TBX4: variants seen among roughly 807,000 people sequenced by gnomAD.
The protein encoded by TBX4 is T-box transcription factor 4, also known as T-box transcription factor TBX4.
A neutral mutation model predicts 54.6 loss-of-function variants in TBX4; 13 were observed. The ratio of observed to expected loss-of-function variants is 0.24; its 90% CI spans 0.15 to 0.38. TBX4 has a LOEUF of 0.38. TBX4 is among the 10% of genes least tolerant of loss of function. The pLI, the probability that TBX4 is intolerant of heterozygous loss-of-function variation, is 1.00. For missense variants in TBX4, 631 were observed against 728.5 expected, an observed-to-expected ratio of 0.87 and a Z score of 1.54; for synonymous variants, 314 against 306.7, an observed-to-expected ratio of 1.02 and a Z score of -0.25.
chr17:61,479,656 C>A lies in TBX4; in HGVS notation c.703-225C>A, dbSNP rs1016648004. On this transcript the variant is annotated intron_variant, in intron 6 of 8. Transcript: ENST00000644296. The surrounding 1 kb of genome is among the most constrained non-coding windows in gnomAD (Gnocchi z 6.1). ...GGTGTGAATGGCAAGGCCCACTTCC[C>A]CAGACCTGCCCCAGTTCTGCCTGTG... 7.2e-5 allele frequency among the ~76,000 whole-genome samples: 11 copies of A among 152,136 alleles called. No homozygotes were observed. Among genetic ancestry groups the A allele is most frequent in the African/African-American group, 2.7e-4 (11 of 41,416 alleles).
intron 1 of TBX4, among the ~76,000 whole-genome samples, chr17:61,454,093 T>A (rs2060430917): frequency 6.6e-6 from 1 of 152,214 alleles, no homozygotes; most frequent in Non-Finnish European, 1.5e-5. Flanking sequence ...ACAACAAATT[T>A]AGTAACAGTA....
chr17:61,482,883 A>T lies in TBX4; in HGVS notation c.1022-14A>T, dbSNP rs538426617. 2.6e-5 allele frequency: 42 copies of T among 1,612,708 alleles called. No individual in the cohort carries two copies. The East Asian group carries it at 3.8e-4, about 15-fold the overall frequency. On this transcript the variant is annotated splice_polypyrimidine_tract_variant and intron_variant, in intron 8 of 8. Coordinates refer to ENST00000644296, the MANE Select transcript of TBX4 (RefSeq NM_001321120.2). ...GTGGAAATGGTTCTTCCTGAATGTT[A>T]CTTTGTCTTTCAGCAGACGGTACCC...
chr17:61,454,931 AT>A (rs1418105003), intron 1 of TBX4, among the ~76,000 whole-genome samples: 1 of 152,088 alleles, frequency 6.6e-6, no homozygotes, highest in Non-Finnish European at 1.5e-5. Flanking sequence ...GGCCCTAGAT[AT>A]AGTTGGACCC....
chr17:61,471,424 C>A (rs536301247), intron 5 of TBX4, among the ~76,000 whole-genome samples: 1 of 152,312 alleles, frequency 6.6e-6, no homozygotes, highest in African/African-American at 2.4e-5. Flanking sequence ...AAGCTTTAAA[C>A]ATAAATCATT....
At chr17:61,473,169 A>T (rs1177129531) in intron 5 of TBX4, among the ~76,000 whole-genome samples, 1 of 152,216 alleles carries the variant, frequency 6.6e-6, no homozygotes, top group East Asian at 1.9e-4. Flanking sequence ...GGTTCTTCAA[A>T]ACGTATTCAG....
At chr17:61,453,620 A>G (rs1477572813) in intron 1 of TBX4, among the ~76,000 whole-genome samples, 1 of 152,210 alleles carries the variant, frequency 6.6e-6, no homozygotes, top group Non-Finnish European at 1.5e-5. Flanking sequence ...AAATAATCAG[A>G]GTATTAAGAG....
chr17:61,469,891 T>C (rs886192552), intron 5 of TBX4, among the ~76,000 whole-genome samples: 3 of 152,076 alleles, frequency 2.0e-5, no homozygotes, highest in African/African-American at 7.2e-5. Flanking sequence ...AAAAGCCACG[T>C]TGTATTGGGA....
chr17:61,468,207 G>A (rs751993118), intron 5 of TBX4, among the ~76,000 whole-genome samples: 9 of 152,232 alleles, frequency 5.9e-5, no homozygotes, highest in Non-Finnish European at 1.3e-4. Flanking sequence ...TGGCTCACAT[G>A]TTAGCTCCTG....
rs535261059 is a variant in TBX4, at chr17:61,479,998, G to A, written c.791+29G>A. On this transcript the variant is annotated intron_variant, in intron 7 of 8. Transcript: ENST00000644296. The surrounding 1 kb of genome is among the most constrained non-coding windows in gnomAD (Gnocchi z 6.1). Reference sequence around the variant, plus strand: ...GGGCTGCGTAGCCTGGGGGTGGGGCGGGCAGATGGGATTCAGGCACGTGGC... The same window carrying A: ...GGGCTGCGTAGCCTGGGGGTGGGGCAGGCAGATGGGATTCAGGCACGTGGC... 3.9e-5 allele frequency: 63 copies of A among 1,613,454 alleles called. No homozygotes were observed. The highest frequency in any genetic ancestry group is 3.2e-4 in the South Asian group (29 of 91,050).
rs1396174500 is a variant in TBX4 at position 61,465,127 on chromosome 17, C to T, written c.282-692C>T. Among the ~76,000 whole-genome samples, 1 of 152,110 alleles carries T rather than the reference C, an allele frequency of 6.6e-6. No individual in the cohort carries two copies. Among genetic ancestry groups the T allele is most frequent in the Non-Finnish European group, 1.5e-5 (1 of 68,022 alleles). ...TGGCAGGTGGTTTCAGAATCCATGCCCTCTCTTATCCATGAGGCTCCTGGA... is the reference window on the plus strand; with the variant it reads ...TGGCAGGTGGTTTCAGAATCCATGCTCTCTCTTATCCATGAGGCTCCTGGA... On this transcript the variant is annotated intron_variant, in intron 3 of 8. Coordinates refer to ENST00000644296, the MANE Select transcript of TBX4 (RefSeq NM_001321120.2). This position sits in a 1 kb window ranked among gnomAD's most constrained non-coding sequence, Gnocchi z 4.9.
In TBX4 at chr17:61,478,858, T is replaced by A. The variant is rs1220264102; in HGVS notation, c.702+79T>A. Reference sequence around the variant, plus strand: ...TCTTCCACCAGGCAGAGAGGCAGAGTGTGAAGCCAGAGTCCCAGCAGGGCT... The same window carrying A: ...TCTTCCACCAGGCAGAGAGGCAGAGAGTGAAGCCAGAGTCCCAGCAGGGCT... On this transcript the variant is annotated intron_variant, in intron 6 of 8. Coordinates refer to ENST00000644296, the MANE Select transcript of TBX4 (RefSeq NM_001321120.2). The surrounding 1 kb of genome is among the most constrained non-coding windows in gnomAD (Gnocchi z 7.4). The A allele has an allele frequency of 6.2e-7, 1 of 1,609,642 alleles. No individual in the cohort carries two copies.
chr17:61,467,750 G>C, intron 5 of TBX4, 93 bp downstream of exon 5: 1 of 1,519,436 alleles, frequency 6.6e-7, no homozygotes, highest in South Asian at 1.2e-5. Flanking sequence ...AATCCACTCC[G>C]GGATCCAGCT....
intron 5 of TBX4, among the ~76,000 whole-genome samples, chr17:61,477,674 C>T (rs1288817940): frequency 6.6e-6 from 1 of 152,224 alleles, no homozygotes; most frequent in East Asian, 1.9e-4. Context: ...GGTGCGGAGG[C>T]TCACGCCTGT....
At chr17:61,473,789 G>T (rs972709450) in intron 5 of TBX4, among the ~76,000 whole-genome samples, 1 of 152,236 alleles carries the variant, frequency 6.6e-6, no homozygotes, top group African/African-American at 2.4e-5. Flanking sequence ...ATACTGTAAA[G>T]ATTAATTTTA....
At chr17:61,454,673 C>T (rs1270675905) in intron 1 of TBX4, among the ~76,000 whole-genome samples, 2 of 152,250 alleles carry the variant, frequency 1.3e-5, no homozygotes, top group African/African-American at 4.8e-5. Context: ...CCAGTCCGAG[C>T]TGCGGGACCG....
chr17:61,453,034 A>G (rs1263816516), intron 1 of TBX4: 1 of 964,882 alleles, frequency 1.0e-6, no homozygotes. Flanking sequence ...GCAATAGACT[A>G]GTCAAAATTA....
Position 61,476,873 on chromosome 17 carries a change from T to C in TBX4, c.550-1754T>C, listed in dbSNP as rs141097626. Among the ~76,000 whole-genome samples, 936 of 152,336 alleles carry C rather than the reference T, an allele frequency of 6.1e-3. 8 individuals are homozygous for C. The highest frequency in any genetic ancestry group is 0.021 in the African/African-American group (881 of 41,592). ...CACAGCCCAGGTCCTGGCCCACCCA[T>C]TCCTCAGCTGAGCTGGCTCTCTAGG... On this transcript the variant is annotated intron_variant, in intron 5 of 8. Transcript: ENST00000644296. This position sits in a 1 kb window ranked among gnomAD's most constrained non-coding sequence, Gnocchi z 6.5.
chr17:61,468,693 G>A (rs1319296819), intron 5 of TBX4, among the ~76,000 whole-genome samples: 1 of 152,222 alleles, frequency 6.6e-6, no homozygotes, highest in Non-Finnish European at 1.5e-5. Flanking sequence ...AAGCAGCTAG[G>A]AGAATGTTTA....
In TBX4 at chr17:61,464,577, G is replaced by C. The variant is rs538937612; in HGVS notation, c.282-1242G>C. On this transcript the variant is annotated intron_variant, in intron 3 of 8. Transcript: ENST00000644296. This position sits in a 1 kb window ranked among gnomAD's most constrained non-coding sequence, Gnocchi z 5.8. ...GCCGGGCAGTGGCACAGCTCAGTGG[G>C]GCTTAGTGTCTTCACTGTGTCTTCA... Among the ~76,000 whole-genome samples, 1 of 152,304 alleles carries C rather than the reference G, an allele frequency of 6.6e-6. No individual in the cohort carries two copies. Among genetic ancestry groups the C allele is most frequent in the East Asian group, 1.9e-4 (1 of 5,174 alleles).
Sources: allele counts gnomAD v4.1 joint callset (sites outside exome capture counted in the v4.1 genomes callset), GRCh38; gene constraint gnomAD v4.1.1; non-coding constraint Gnocchi (gnomAD v3.1); transcripts MANE v1.5; gene names NCBI Gene and HGNC (gene_info 2026-07-23, HGNC 2026-07-21).